The following WIPF2 variants were observed in gnomAD, a reference collection of about 807,000 sequenced individuals.
WIPF2 encodes the protein WAS/WASL-interacting protein family member 2.
Under a neutral mutation model 38.8 loss-of-function variants are expected in WIPF2, and 23 were observed. The ratio of observed to expected loss-of-function variants is 0.59; its 90% CI spans 0.43 to 0.84. The LOEUF (loss-of-function observed/expected upper bound fraction) is 0.84, where lower values mean the gene tolerates loss of function less well. WIPF2 is among the 40% of genes least tolerant of loss of function. The pLI is 0.00. For synonymous variants in WIPF2, 210 were observed against 223.2 expected, an observed-to-expected ratio of 0.94 and a Z score of 0.53; for missense variants, 574 against 580.5, an observed-to-expected ratio of 0.99 and a Z score of 0.11.
rs897159305 is a variant in WIPF2 at position 40,242,399 on chromosome 17, TTTGTTG to T, written c.-69-13976_-69-13971del. On this transcript the variant is annotated intron_variant, in intron 1 of 7. Transcript: ENST00000323571. The stretch of plus-strand genomic sequence containing the variant: ...GAAAGAAAGAAAAACCAAGAAATTT[TTTGTTG>T]TTGTTGTTGTTGTTGGTTTGTTTTT... Among the ~76,000 whole-genome samples the T allele has an allele frequency of 3.8e-3, 566 of 150,884 alleles. 17 individuals carry two copies. The highest frequency in any genetic ancestry group is 9.7e-4 in the East Asian group (5 of 5,172).
At chr17:40,229,627 G>T (rs528687658) in intron 1 of WIPF2, among the ~76,000 whole-genome samples, 1 of 152,036 alleles carries the variant, frequency 6.6e-6, no homozygotes, top group Non-Finnish European at 1.5e-5. Context: ...CACCATGTTG[G>T]CCAGGCTGGC....
At chr17:40,254,843 G>A (rs933261889) in intron 1 of WIPF2, among the ~76,000 whole-genome samples, 7 of 151,820 alleles carry the variant, frequency 4.6e-5, no homozygotes, top group Non-Finnish European at 2.9e-5. Flanking sequence ...CAGTTCTCCT[G>A]TCTGAGCCTC....
intron 1 of WIPF2, among the ~76,000 whole-genome samples, chr17:40,248,175 T>C (rs1288491608): frequency 1.4e-5 from 2 of 138,480 alleles, no homozygotes; most frequent in East Asian, 2.1e-4. Flanking sequence ...TTTTTTTTTT[T>C]TTTTTTTTTT....
At chr17:40,274,658 A>C (rs899804089) in intron 6 of WIPF2, among the ~76,000 whole-genome samples, 3 of 150,384 alleles carry the variant, frequency 2.0e-5, no homozygotes, top group Non-Finnish European at 4.4e-5. Context: ...TAAAGAAAAA[A>C]GGATTGGGCG....
At chr17:40,250,505 TC>T (rs2145347583) in intron 1 of WIPF2, among the ~76,000 whole-genome samples, 1 of 150,960 alleles carries the variant, frequency 6.6e-6, no homozygotes, top group East Asian at 2.0e-4. Flanking sequence ...CACCTCGGCC[TC>T]CCAAAGTGCT....
intron 1 of WIPF2, among the ~76,000 whole-genome samples, chr17:40,235,804 C>A (rs964683344): frequency 6.6e-6 from 1 of 151,656 alleles, no homozygotes; most frequent in Non-Finnish European, 1.5e-5. Flanking sequence ...GAATTCCCGA[C>A]CTCAGGTGAT....
chr17:40,280,026 GCTGTCCTTTGCCAT>G lies in WIPF2; in HGVS notation c.*1803_*1816del, dbSNP rs1430260787. On this transcript the variant is annotated 3_prime_UTR_variant, in exon 8 of 8. Coordinates refer to ENST00000323571, the MANE Select transcript of WIPF2 (RefSeq NM_133264.5). ...AACGGGGGTAATGTGTATGGGGTCT[GCTGTCCTTTGCCAT>G]CCCCTGGACCATATTAACTCTGGGA... 2 of 152,180 alleles carry G rather than the reference GCTGTCCTTTGCCAT, an allele frequency of 1.3e-5. No homozygotes were observed. Among genetic ancestry groups the G allele is most frequent in the African/African-American group, 4.8e-5 (2 of 41,384 alleles). 9.4% of individuals were successfully genotyped at this position (152,180 alleles called of 1,614,324 possible). A position where few individuals can be genotyped will look rare whatever the true frequency, so the allele number is the denominator to read the frequency against.
chr17:40,220,042 G>T (rs1449318040), intron 1 of WIPF2: 1 of 152,240 alleles, frequency 6.6e-6, no homozygotes, highest in Admixed American at 6.6e-5. Context: ...AAAGGAATCA[G>T]AATTTAGTTA....
At position 40,280,573 on chromosome 17, in the gene WIPF2, A is replaced by G. The variant is rs2032524362; in HGVS notation, c.*2348A>G. The G allele has an allele frequency of 6.5e-6, 1 of 152,688 alleles. No individual in the cohort carries two copies. The highest frequency in any genetic ancestry group is 2.1e-4 in the South Asian group (1 of 4,836). 9.5% of individuals were successfully genotyped at this position (152,688 alleles called of 1,614,324 possible). ...TCAGAGTTCCAGGGCAGATACTGAC[A>G]AGTGACTGAACTTTGACTGTGAAGT... On this transcript the variant is annotated 3_prime_UTR_variant, in exon 8 of 8. Transcript: ENST00000323571.
At position 40,281,315 on chromosome 17, in the gene WIPF2, C is replaced by G. The variant is rs757702194; in HGVS notation, c.*3090C>G. 2.0e-5 allele frequency: 3 copies of G among 152,130 alleles called. No homozygotes were observed. Among genetic ancestry groups the G allele is most frequent in the Non-Finnish European group, 4.4e-5 (3 of 68,030 alleles). 9.4% of individuals were successfully genotyped at this position (152,130 alleles called of 1,614,324 possible). ...AAACGTTATAGTTGTTTCTTACTGC[C>G]CTGTCTGGGAAGCAGGGCAAACCTC... On this transcript the variant is annotated 3_prime_UTR_variant, in exon 8 of 8. Transcript: ENST00000323571.
chr17:40,235,517 A>G (rs1239638459), intron 1 of WIPF2, among the ~76,000 whole-genome samples: 1 of 149,502 alleles, frequency 6.7e-6, no homozygotes, highest in Non-Finnish European at 1.5e-5. Context: ...GAAGCACATT[A>G]GTGGAGCACC....
chr17:40,244,019 T>G (rs1461181598), intron 1 of WIPF2, among the ~76,000 whole-genome samples: 1 of 152,214 alleles, frequency 6.6e-6, no homozygotes, highest in Non-Finnish European at 1.5e-5. Context: ...GAGGTTTGAC[T>G]GAATTGAATT....
chr17:40,258,336 T>C (rs997568561), intron 2 of WIPF2, among the ~76,000 whole-genome samples: 5 of 141,456 alleles, frequency 3.5e-5, no homozygotes, highest in African/African-American at 1.4e-4. Flanking sequence ...GAGGCAGAGA[T>C]TGCACCCAGC....
chr17:40,259,925 C>G (rs537897774), intron 2 of WIPF2, among the ~76,000 whole-genome samples: 16 of 152,274 alleles, frequency 1.1e-4, no homozygotes, highest in African/African-American at 3.6e-4. Flanking sequence ...CATTAAATGT[C>G]TAACATACAT....
Position 40,260,893 on chromosome 17 carries a change from C to T in WIPF2, c.196+226C>T, listed in dbSNP as rs562491887. 8.2e-4 allele frequency: 474 copies of T among 575,844 alleles called. 1 individual carries two copies. The highest frequency in any genetic ancestry group is 8.1e-3 in the African/African-American group (430 of 53,270). The allele number at this position is 575,844 out of a possible 1,614,324, so 35.7% of individuals were successfully genotyped here. A position where few individuals can be genotyped will look rare whatever the true frequency, so the allele number is the denominator to read the frequency against. ...TCTCACCGGGCATGGTGGCTCATGC[C>T]TGTAAGCCCAGCACTTTGGGAGGTC... On this transcript the variant is annotated intron_variant, in intron 3 of 7. Coordinates refer to ENST00000323571, the MANE Select transcript of WIPF2 (RefSeq NM_133264.5).
At chr17:40,230,234 G>A (rs1206482852) in intron 1 of WIPF2, among the ~76,000 whole-genome samples, 1 of 152,166 alleles carries the variant, frequency 6.6e-6, no homozygotes, top group Non-Finnish European at 1.5e-5. Context: ...AGCCGCTCAG[G>A]AGGCTGAGGG....
chr17:40,221,666 T>C (rs8078204), intron 1 of WIPF2, among the ~76,000 whole-genome samples: 5,230 of 66,324 alleles, frequency 0.079, 2,490 homozygotes, highest in African/African-American at 0.43. Context: ...CTGCAACCTC[T>C]GCCTGCCGGA....
chr17:40,255,262 G>C (rs890367457), intron 1 of WIPF2, among the ~76,000 whole-genome samples: 2 of 152,094 alleles, frequency 1.3e-5, no homozygotes, highest in Non-Finnish European at 2.9e-5. Flanking sequence ...GCTGAAGTGA[G>C]ATGATTGCTT....
At chr17:40,244,228 T>G (rs891588081) in intron 1 of WIPF2, among the ~76,000 whole-genome samples, 2 of 152,146 alleles carry the variant, frequency 1.3e-5, no homozygotes, top group Non-Finnish European at 2.9e-5. Context: ...GAGGCAAGTT[T>G]TTCATTCCTC....
Sources: gnomAD v4.1 joint callset for allele counts (sites outside exome capture counted in the v4.1 genomes callset) on GRCh38, gnomAD v4.1.1 for gene constraint, MANE v1.5 for transcripts, NCBI Gene and HGNC (gene_info 2026-07-23, HGNC 2026-07-21) for gene names.